The following UNC5B variants were observed in gnomAD, a reference collection of about 807,000 sequenced individuals.
The protein encoded by UNC5B is netrin receptor UNC5B.
Under a neutral mutation model 103.7 loss-of-function variants are expected in UNC5B, and 56 were observed. That is an observed-to-expected ratio of 0.54 (90% CI 0.44 to 0.67). The LOEUF is 0.67. Among genes scored for constraint, UNC5B ranks in the 30% least tolerant of loss-of-function variants. The pLI is 0.00. For missense variants in UNC5B, 1,194 were observed against 1,284.5 expected (o/e 0.93, Z 1.08); for synonymous variants, 577 against 542.0 (o/e 1.06, Z -0.90).
At chr10:71,290,128 C>T (rs1410095326) in intron 8 of UNC5B, among the ~76,000 whole-genome samples, 1 of 152,244 alleles carries the variant, frequency 6.6e-6, no homozygotes, top group Non-Finnish European at 1.5e-5. Flanking sequence ...AATTCAGTTC[C>T]TCAGCGGTAC....
intron 1 of UNC5B, among the ~76,000 whole-genome samples, chr10:71,243,654 C>T (rs1156851509): frequency 6.6e-6 from 1 of 152,140 alleles, no homozygotes; most frequent in Non-Finnish European, 1.5e-5. Context: ...AAGCCTTCGC[C>T]ACCCCCTCCT....
At chr10:71,267,396 A>C (rs1161230387) in intron 1 of UNC5B, among the ~76,000 whole-genome samples, 1 of 152,220 alleles carries the variant, frequency 6.6e-6, no homozygotes, top group Non-Finnish European at 1.5e-5. Context: ...TCCTAGAGAA[A>C]GTGAGCTGAT....
At chr10:71,274,711 G>A (rs1197504727) in intron 1 of UNC5B, among the ~76,000 whole-genome samples, 1 of 152,132 alleles carries the variant, frequency 6.6e-6, no homozygotes, top group African/African-American at 2.4e-5. Flanking sequence ...CAGAGGTGCT[G>A]GTGGTCATTT....
At chr10:71,296,482 G>GC (rs967102325) in intron 14 of UNC5B, 96 bp from the exon 15 acceptor site, 1 of 1,421,578 alleles carries the variant, frequency 7.0e-7, no homozygotes, top group Middle Eastern at 2.1e-4. Flanking sequence ...GGCCTGAACT[G>GC]CCCCCCAAAG....
In UNC5B at chr10:71,296,709, C is replaced by T. The variant is rs58225177; in HGVS notation, c.2457C>T (p.Gly819=). Residue 819 remains glycine (G), a synonymous_variant, in exon 15 of 17, where the codon GGC becomes GGT. Coordinates refer to ENST00000335350, the MANE Select transcript of UNC5B (RefSeq NM_170744.5). The stretch of plus-strand genomic sequence containing the variant: ...GCGTGCGGCAAGTGGAAGGGGAGGG[C>T]CAGATATTCCAGCTGCATACCACTC... ...KICVRQVEGE[G]QIFQLHTTLA... is the part of the protein sequence containing the mutation. 13 of 1,605,830 alleles carry T rather than the reference C, an allele frequency of 8.1e-6. No individual in the cohort carries two copies. The highest frequency in any genetic ancestry group is 2.2e-5 in the East Asian group (1 of 44,712).
chr10:71,300,188 C>T lies in UNC5B; in HGVS notation c.*911C>T, dbSNP rs1190864668. On this transcript the variant is annotated 3_prime_UTR_variant, in exon 17 of 17. Transcript: ENST00000335350. ...CCAGTTGTGCAGGGAGTAGGTCAGACAGGGTTTTCACTGTCTAGATTTAGC... is the reference window on the plus strand; with the variant it reads ...CCAGTTGTGCAGGGAGTAGGTCAGATAGGGTTTTCACTGTCTAGATTTAGC... 1 of 152,196 alleles carries T rather than the reference C, an allele frequency of 6.6e-6. No homozygotes were observed. The highest frequency in any genetic ancestry group is 1.5e-5 in the Non-Finnish European group (1 of 68,042). The allele number at this position is 152,196 out of a possible 1,614,324, so 9.4% of individuals were successfully genotyped here.
chr10:71,216,793 T>A (rs2132233474), intron 1 of UNC5B, among the ~76,000 whole-genome samples: 1 of 151,360 alleles, frequency 6.6e-6, no homozygotes, highest in South Asian at 2.1e-4. Flanking sequence ...GTTTGTGGGC[T>A]GCCTAAGACT....
rs1303204389 is a variant in UNC5B at position 71,280,047 on chromosome 10, T to G, written c.304+2T>G. 1 of 1,613,392 alleles carries G rather than the reference T, an allele frequency of 6.2e-7. No homozygotes were observed. Among genetic ancestry groups the G allele is most frequent in the Non-Finnish European group, 8.5e-7 (1 of 1,179,930 alleles). On this transcript the variant is annotated splice_donor_variant, in intron 2 of 16. Transcript: ENST00000335350. LOFTEE classifies it high-confidence loss of function. ...AGGAAGGCCTGGATGAGGCCACCGGTGAGCCCGCCCCACTTGCCTGGGCAC... is the reference window on the plus strand; with the variant it reads ...AGGAAGGCCTGGATGAGGCCACCGGGGAGCCCGCCCCACTTGCCTGGGCAC...
chr10:71,243,516 T>C (rs1407632690), intron 1 of UNC5B, among the ~76,000 whole-genome samples: 7 of 152,246 alleles, frequency 4.6e-5, no homozygotes, highest in Non-Finnish European at 1.0e-4. Flanking sequence ...CAGCCACATA[T>C]GGCTAGTGGC....
intron 1 of UNC5B, among the ~76,000 whole-genome samples, chr10:71,262,022 G>A (rs1231856339): frequency 6.6e-6 from 1 of 151,936 alleles, no homozygotes; most frequent in East Asian, 1.9e-4. Flanking sequence ...GGGGGGAGGT[G>A]GGAAGATAGT....
intron 1 of UNC5B, among the ~76,000 whole-genome samples, chr10:71,272,846 G>T (rs1844679225): frequency 6.6e-6 from 1 of 151,920 alleles, no homozygotes. Context: ...AACAGCTCCT[G>T]CCTGCTGCCA....
At chr10:71,225,849 A>AGACTT (rs1241267139) in intron 1 of UNC5B, among the ~76,000 whole-genome samples, 15 of 152,058 alleles carry the variant, frequency 9.9e-5, no homozygotes, top group Non-Finnish European at 1.9e-4. Context: ...CGTGCCACAC[A>AGACTT]GACTTGAGGA....
chr10:71,291,940 G>A, intron 10 of UNC5B, 119 bp downstream of exon 10: 1 of 1,400,394 alleles, frequency 7.1e-7, no homozygotes, highest in Non-Finnish European at 9.4e-7. Flanking sequence ...ATGGGGAAAG[G>A]GAGGCCTGAA....
rs560689375 is a variant in UNC5B, at chr10:71,284,935, T to C, written c.448+72T>C. On this transcript the variant is annotated intron_variant, in intron 3 of 16. Transcript: ENST00000335350. Reference sequence around the variant, plus strand: ...TCCCTGAGGATGCTGGAGAGGGAACTTCACATCTGTGGGGCCTCCTCCAGC... The same window carrying C: ...TCCCTGAGGATGCTGGAGAGGGAACCTCACATCTGTGGGGCCTCCTCCAGC... The C allele has an allele frequency of 3.3e-6, 5 of 1,520,052 alleles. No homozygotes were observed. The East Asian group carries it at 1.1e-4, about 34-fold the overall frequency. The allele number at this position is 1,520,052 out of a possible 1,614,324, so 94.2% of individuals were successfully genotyped here.
At chr10:71,285,762 C>T (rs964540713) in intron 4 of UNC5B, among the ~76,000 whole-genome samples, 3 of 152,140 alleles carry the variant, frequency 2.0e-5, no homozygotes, top group Non-Finnish European at 4.4e-5. Context: ...TTTCTGGATG[C>T]GAAAGGATCC....
chr10:71,269,346 C>CCCG lies in UNC5B; in HGVS notation c.80-10473_80-10472insGCC, dbSNP rs201731902. Among the ~76,000 whole-genome samples the CCCG allele has an allele frequency of 5.7e-5, 8 of 141,276 alleles. 1 individual carries two copies. Among genetic ancestry groups the CCCG allele is most frequent in the Admixed American group, 5.0e-4 (7 of 14,048 alleles). The allele number at this position is 141,276 out of a possible 152,430, so 92.7% of individuals were successfully genotyped here. A position where few individuals can be genotyped will look rare whatever the true frequency, so the allele number is the denominator to read the frequency against. On this transcript the variant is annotated intron_variant, in intron 1 of 16. Coordinates refer to ENST00000335350, the MANE Select transcript of UNC5B (RefSeq NM_170744.5). ...AAAAAAGTTTAGAAAAATGAAGTCC[C>CCCG]CCCCCCACAACTTCTCCTTTCCTGG...
intron 1 of UNC5B, among the ~76,000 whole-genome samples, chr10:71,215,808 T>G (rs1376245827): frequency 1.8e-4 from 1 of 5,538 alleles, no homozygotes; most frequent in Non-Finnish European, 4.7e-4. Flanking sequence ...CTCTGCTTGG[T>G]GTGTGTGTGT....
chr10:71,233,977 T>A (rs977756212), intron 1 of UNC5B, among the ~76,000 whole-genome samples: 3 of 152,230 alleles, frequency 2.0e-5, no homozygotes, highest in Admixed American at 6.5e-5. Flanking sequence ...GCACACTTGA[T>A]TTGATGCTTC....
chr10:71,277,628 T>C (rs920860716), intron 1 of UNC5B, among the ~76,000 whole-genome samples: 1 of 152,232 alleles, frequency 6.6e-6, no homozygotes, highest in African/African-American at 2.4e-5. Flanking sequence ...CAAGTCACTG[T>C]GTCATCTCCT....
Sources: gnomAD v4.1 joint callset for allele counts (sites outside exome capture counted in the v4.1 genomes callset) on GRCh38, gnomAD v4.1.1 for gene constraint, MANE v1.5 for transcripts, NCBI Gene and HGNC (gene_info 2026-07-23, HGNC 2026-07-21) for gene names.